ELMO1: variants seen among roughly 807,000 people sequenced by gnomAD.
ELMO1 encodes the protein engulfment and cell motility 1.
A neutral mutation model predicts 98.9 loss-of-function variants in ELMO1; 26 were observed. That is an observed-to-expected ratio of 0.26 (90% CI 0.19 to 0.36). The LOEUF (loss-of-function observed/expected upper bound fraction) is 0.36, where lower values mean the gene tolerates loss of function less well. Ranked by LOEUF, ELMO1 falls within the 10% of genes least tolerant of loss-of-function variation. The pLI is 1.00. For synonymous variants in ELMO1, 346 were observed against 346.0 expected, an observed-to-expected ratio of 1.00 and a Z score of 0.00; for missense variants, 627 against 935.2, an observed-to-expected ratio of 0.67 and a Z score of 4.30.
At chr7:37,158,978 A>G (rs1788999350) in intron 13 of ELMO1, among the ~76,000 whole-genome samples, 1 of 152,216 alleles carries the variant, frequency 6.6e-6, no homozygotes, top group Non-Finnish European at 1.5e-5. Context: ...CAGCCATAAA[A>G]AAGGATGAGT....
chr7:36,864,891 C>T (rs1802911603), intron 20 of ELMO1, among the ~76,000 whole-genome samples: 1 of 152,182 alleles, frequency 6.6e-6, no homozygotes, highest in African/African-American at 2.4e-5. Flanking sequence ...GCCACCTTGT[C>T]ATGTGGAGGA....
intron 13 of ELMO1, among the ~76,000 whole-genome samples, chr7:37,178,687 GT>G (rs575265040): frequency 6.2e-4 from 95 of 152,226 alleles, no homozygotes; most frequent in African/African-American, 2.2e-3. Flanking sequence ...AATAAAAATT[GT>G]AAAAGTCAGG....
At chr7:37,310,592 C>CT (rs1176819971) in intron 4 of ELMO1, among the ~76,000 whole-genome samples, 1 of 152,200 alleles carries the variant, frequency 6.6e-6, no homozygotes, top group East Asian at 1.9e-4. Context: ...CAGACTGAAG[C>CT]TGGTAACCAG....
At chr7:36,919,836 A>C (rs1232811868) in intron 16 of ELMO1, among the ~76,000 whole-genome samples, 1 of 152,182 alleles carries the variant, frequency 6.6e-6, no homozygotes, top group African/African-American at 2.4e-5. Context: ...CAAATAAAAC[A>C]ACCTGTCTAA....
intron 4 of ELMO1, among the ~76,000 whole-genome samples, chr7:37,306,586 G>A (rs752989157): frequency 6.6e-6 from 1 of 152,172 alleles, no homozygotes; most frequent in Admixed American, 6.5e-5. Context: ...GTTTGAGCTT[G>A]GTACTAGGAC....
chr7:36,982,510 T>A (rs1184130454), intron 16 of ELMO1, among the ~76,000 whole-genome samples: 2 of 152,188 alleles, frequency 1.3e-5, no homozygotes, highest in Non-Finnish European at 2.9e-5. Context: ...CAATGTAAAA[T>A]GAGATCTGCT....
chr7:36,969,674 C>G (rs1386892548), intron 16 of ELMO1, among the ~76,000 whole-genome samples: 1 of 151,980 alleles, frequency 6.6e-6, no homozygotes, highest in Non-Finnish European at 1.5e-5. Flanking sequence ...AACACACTTG[C>G]TTAAGCCTCA....
intron 13 of ELMO1, among the ~76,000 whole-genome samples, chr7:37,189,689 G>A (rs1179483302): frequency 1.3e-5 from 2 of 152,026 alleles, no homozygotes; most frequent in Non-Finnish European, 2.9e-5. Context: ...ACATTTCCAG[G>A]GAAGAATTCA....
intron 15 of ELMO1, among the ~76,000 whole-genome samples, chr7:37,054,478 T>C (rs529943467): frequency 1.3e-5 from 2 of 152,310 alleles, no homozygotes; most frequent in African/African-American, 4.8e-5. Flanking sequence ...AGGTAGTGTG[T>C]GTTATCTATC....
chr7:36,947,691 G>A lies in ELMO1; in HGVS notation c.1438-52674C>T, dbSNP rs142555217. ...GTCTGAACTCCACAGCAATTTATAC[G>A]AGGCCCTTCCTAAGCTGACCTGGCT... On this transcript the variant is annotated intron_variant, in intron 16 of 21. Coordinates refer to ENST00000310758, the MANE Select transcript of ELMO1 (RefSeq NM_014800.11). Among the ~76,000 whole-genome samples, 254 of 152,056 alleles carry A rather than the reference G, an allele frequency of 1.7e-3. No homozygotes were observed. In the East Asian group the frequency reaches 0.026, roughly 16 times the overall value.
chr7:36,940,384 G>T (rs1157830890), intron 16 of ELMO1, among the ~76,000 whole-genome samples: 1 of 152,192 alleles, frequency 6.6e-6, no homozygotes, highest in African/African-American at 2.4e-5. Context: ...TGGGACTTAA[G>T]GAGAATAGGG....
At chr7:36,967,096 C>T (rs867044313) in intron 16 of ELMO1, among the ~76,000 whole-genome samples, 14 of 152,294 alleles carry the variant, frequency 9.2e-5, no homozygotes, top group African/African-American at 2.4e-4. Context: ...TTATAACAAA[C>T]GCCTCTGGTC....
At chr7:37,201,962 TG>T (rs528953433) in intron 13 of ELMO1, among the ~76,000 whole-genome samples, 80 of 152,330 alleles carry the variant, frequency 5.3e-4, no homozygotes, top group Middle Eastern at 3.4e-3. Context: ...TGTGAGTTCA[TG>T]CAGCCTGAAC....
chr7:37,130,467 A>C (rs893692026), intron 14 of ELMO1, among the ~76,000 whole-genome samples: 9 of 152,290 alleles, frequency 5.9e-5, no homozygotes, highest in Admixed American at 5.2e-4. Flanking sequence ...CAGAGCCAAG[A>C]CAGATCACTG....
intron 2 of ELMO1, among the ~76,000 whole-genome samples, chr7:37,316,523 C>T (rs1380317989): frequency 2.0e-5 from 3 of 152,152 alleles, no homozygotes; most frequent in Admixed American, 6.5e-5. Flanking sequence ...TCCAGTAATG[C>T]GACCATGACA....
At chr7:37,118,342 C>A (rs535244389) in intron 14 of ELMO1, among the ~76,000 whole-genome samples, 4 of 152,190 alleles carry the variant, frequency 2.6e-5, no homozygotes, top group Non-Finnish European at 5.9e-5. Flanking sequence ...TGGTCCAGTG[C>A]AGTCTGTTTA....
At chr7:37,163,591 T>C (rs1031206321) in intron 13 of ELMO1, among the ~76,000 whole-genome samples, 2 of 149,778 alleles carry the variant, frequency 1.3e-5, no homozygotes, top group East Asian at 2.0e-4. Context: ...GAATATGCGG[T>C]GTTTGGTTTT....
intron 7 of ELMO1, 106 bp downstream of exon 7, chr7:37,244,249 CA>C (rs1794890029): frequency 8.8e-7 from 1 of 1,135,478 alleles, no homozygotes; most frequent in East Asian, 2.6e-5. Context: ...ATCACTTATT[CA>C]AAATACTAGA....
intron 13 of ELMO1, among the ~76,000 whole-genome samples, chr7:37,185,680 C>T (rs1186891076): frequency 6.6e-6 from 1 of 152,132 alleles, no homozygotes; most frequent in African/African-American, 2.4e-5. Flanking sequence ...AAGTACTCTT[C>T]TTAGGGATCA....
Sources: gnomAD v4.1 joint callset for allele counts (sites outside exome capture counted in the v4.1 genomes callset) on GRCh38, gnomAD v4.1.1 for gene constraint, MANE v1.5 for transcripts, NCBI Gene and HGNC (gene_info 2026-07-23, HGNC 2026-07-21) for gene names.